Variants in TXNDC8 observed in about 807,000 individuals in gnomAD.
The protein encoded by TXNDC8 is thioredoxin domain-containing protein 8.
A neutral mutation model predicts 12.9 loss-of-function variants in TXNDC8; 15 were observed. The observed-to-expected ratio is 1.16, with a 90% CI of 0.78 to 1.79. The LOEUF (loss-of-function observed/expected upper bound fraction) is 1.79. Ranked by LOEUF, TXNDC8 falls within the 40% of genes most tolerant of loss-of-function variation. TXNDC8 has a pLI of 0.00. For synonymous variants in TXNDC8, 40 were observed against 35.4 expected (o/e 1.13, Z -0.46); for missense variants, 128 against 113.2 (o/e 1.13, Z -0.59).
rs531072352 is a variant in TXNDC8 at position 110,323,957 on chromosome 9, A to T, written c.195+2218T>A. The T allele has an allele frequency of 4.8e-5, 75 of 1,550,812 alleles. 1 individual carries two copies. The South Asian group carries it at 8.7e-4, about 18-fold the overall frequency. On this transcript the variant is annotated intron_variant, in intron 3 of 4. Transcript: ENST00000423740. ...GACTGGAGTCAAGGGTCCATTTCTG[A>T]TGGGGATGGAGTTCACTGGTTGGTG...
At position 110,308,461 on chromosome 9, in the gene TXNDC8, C is replaced by T. The variant is rs535591680; in HGVS notation, c.196-3929G>A. Among the ~76,000 whole-genome samples, 14 of 131,208 alleles carry T rather than the reference C, an allele frequency of 1.1e-4. No homozygotes were observed. In the South Asian group the frequency reaches 3.4e-3, roughly 32 times the overall value. The allele number at this position is 131,208 out of a possible 152,430, so 86.1% of individuals were successfully genotyped here. ...TTACCATTAGCATGCTCAGAGATCA[C>T]ATTGTTTTTTTTTTTGTTGTTGTTG... On this transcript the variant is annotated intron_variant, in intron 3 of 4. Transcript: ENST00000423740.
In TXNDC8 at chr9:110,304,452, T is replaced by A; in HGVS notation, c.261+15A>T. ...CCCCAGATTTCTAACTCTAACTTGA[T>A]CCCATTTCACTTACCAGGTTGCTCA... On this transcript the variant is annotated intron_variant, in intron 4 of 4. Transcript: ENST00000423740. 1 of 1,606,280 alleles carries A rather than the reference T, an allele frequency of 6.2e-7. No homozygotes were observed. The highest frequency in any genetic ancestry group is 1.1e-5 in the South Asian group (1 of 90,062).
At chr9:110,318,357 T>C (rs1290354874) in intron 3 of TXNDC8, among the ~76,000 whole-genome samples, 1 of 152,248 alleles carries the variant, frequency 6.6e-6, no homozygotes, top group Non-Finnish European at 1.5e-5. Context: ...TTGTAAGTCC[T>C]TCTGGTGAAT....
At chr9:110,322,896 GC>G in intron 3 of TXNDC8, 1 of 985,396 alleles carries the variant, frequency 1.0e-6, no homozygotes, top group Non-Finnish European at 1.2e-6. Flanking sequence ...TAGTCACTGA[GC>G]TTTCAAATCA....
chr9:110,311,523 A>ATAT (rs1838664906), intron 3 of TXNDC8, among the ~76,000 whole-genome samples: 1 of 87,774 alleles, frequency 1.1e-5, no homozygotes, highest in Non-Finnish European at 2.0e-5. Context: ...ATAAAGAGGT[A>ATAT]TATATATATA....
At chr9:110,304,439 A>G in intron 4 of TXNDC8, 28 bp downstream of exon 5, 1 of 1,586,710 alleles carries the variant, frequency 6.3e-7, no homozygotes. Flanking sequence ...CCAGATTTCT[A>G]ACTCTAACTT....
At chr9:110,302,389 A>G (rs147563983), downstream of TXNDC8, among the ~76,000 whole-genome samples, 42 of 151,676 alleles carry the variant, frequency 2.8e-4, no homozygotes, top group East Asian at 7.4e-3. Context: ...ACCTGCCTTG[A>G]CCTCCCAAAG....
intron 3 of TXNDC8, among the ~76,000 whole-genome samples, chr9:110,305,540 TTTTCTTTTTCTTTCTTTC>T (rs1351283637): frequency 6.0e-4 from 87 of 145,310 alleles, no homozygotes; most frequent in African/African-American, 1.6e-3. Flanking sequence ...ACTGCATGTA[TTTTCTTTTTCTTTCTTTC>T]TTTCTTTCTT....
At chr9:110,302,228 T>C (rs1838285663), downstream of TXNDC8, among the ~76,000 whole-genome samples, 1 of 151,812 alleles carries the variant, frequency 6.6e-6, no homozygotes, top group Admixed American at 6.6e-5. Flanking sequence ...CTCAAACTCC[T>C]GGGCTCAAGT....
At chr9:110,304,204 G>A (rs1315035257) in intron 4 of TXNDC8, among the ~76,000 whole-genome samples, 2 of 152,342 alleles carry the variant, frequency 1.3e-5, no homozygotes. Flanking sequence ...ACAAGGAAGA[G>A]TGTGAGGTTG....
At chr9:110,304,559 T>G in intron 3 of TXNDC8, 27 bp from the exon 5 acceptor site, 1 of 1,586,300 alleles carries the variant, frequency 6.3e-7, no homozygotes, top group Non-Finnish European at 8.6e-7. Flanking sequence ...AATTTCATAA[T>G]TTATCTGAGT....
intron 3 of TXNDC8, chr9:110,322,561 A>G (rs1839144579): frequency 3.0e-5 from 30 of 985,346 alleles, no homozygotes; most frequent in Non-Finnish European, 3.6e-5. Context: ...CCTTTCCTCA[A>G]AAGCATAGCT....
intron 3 of TXNDC8, among the ~76,000 whole-genome samples, chr9:110,308,614 G>C (rs1838547513): frequency 6.6e-6 from 1 of 152,012 alleles, no homozygotes; most frequent in African/African-American, 2.4e-5. Flanking sequence ...AGCTGCAAAA[G>C]AGGGAAAACA....
At chr9:110,303,084 G>T (rs545336477), downstream of TXNDC8, among the ~76,000 whole-genome samples, 17 of 152,086 alleles carry the variant, frequency 1.1e-4, no homozygotes, top group African/African-American at 1.9e-4. Context: ...TGATGCATTG[G>T]AGAAGAATTT....
chr9:110,328,874 C>T (rs7025010), intron 2 of TXNDC8, among the ~76,000 whole-genome samples: 58,430 of 151,976 alleles, frequency 0.38, 12,886 homozygotes, highest in African/African-American at 0.61. Context: ...TCACCTTGAG[C>T]TCAACTTTAA....
chr9:110,330,476 C>T (rs942572830), intron 2 of TXNDC8, among the ~76,000 whole-genome samples: 2 of 152,208 alleles, frequency 1.3e-5, no homozygotes, highest in African/African-American at 4.8e-5. Flanking sequence ...TTTTGAGGCT[C>T]ATTTTTTGCC....
At chr9:110,306,625 T>TA (rs1289656174) in intron 3 of TXNDC8, among the ~76,000 whole-genome samples, 1 of 152,194 alleles carries the variant, frequency 6.6e-6, no homozygotes, top group Non-Finnish European at 1.5e-5. Context: ...GAGCCACACT[T>TA]ACTGTGAACA....
chr9:110,325,511 C>A (rs906373470), intron 3 of TXNDC8, among the ~76,000 whole-genome samples: 1 of 133,856 alleles, frequency 7.5e-6, no homozygotes, highest in East Asian at 2.5e-4. Context: ...AACTTGTATA[C>A]ACTTTTTTTT....
chr9:110,332,197 A>G (rs1839573714), intron 2 of TXNDC8, among the ~76,000 whole-genome samples: 2 of 152,154 alleles, frequency 1.3e-5, no homozygotes, highest in South Asian at 4.1e-4. Flanking sequence ...GTCAGAAACT[A>G]AAATGTTCCC....
Sources: allele counts gnomAD v4.1 joint callset (sites outside exome capture counted in the v4.1 genomes callset), GRCh38; gene constraint gnomAD v4.1.1; transcripts MANE v1.5; gene names NCBI Gene and HGNC (gene_info 2026-07-23, HGNC 2026-07-21).